EPHA7: variants seen among roughly 807,000 people sequenced by gnomAD.
EPHA7 encodes the protein ephrin type-A receptor 7.
EPHA7 carries 25 observed loss-of-function variants against 112.6 expected under a neutral mutation model. The ratio of observed to expected loss-of-function variants is 0.22; its 90% CI spans 0.16 to 0.31. The LOEUF (loss-of-function observed/expected upper bound fraction) is 0.31. Ranked by LOEUF, EPHA7 falls within the 10% of genes least tolerant of loss-of-function variation. EPHA7 has a pLI of 1.00. For synonymous variants in EPHA7, 437 were observed against 406.5 expected (o/e 1.07, Z -0.90); for missense variants, 962 against 1,212.6 (o/e 0.79, Z 3.07).
rs946028078 is a variant in EPHA7 at position 93,388,450 on chromosome 6, T to A, written c.832+22051A>T. On this transcript the variant is annotated intron_variant, in intron 3 of 16. Transcript: ENST00000369303. ...ATCGGTGCTTCCTGCTTTACAGAAGTTATCTAAATGACTTCATTTATATGT... is the reference window on the plus strand; with the variant it reads ...ATCGGTGCTTCCTGCTTTACAGAAGATATCTAAATGACTTCATTTATATGT... Among the ~76,000 whole-genome samples, 4 of 152,158 alleles carry A rather than the reference T, an allele frequency of 2.6e-5. No homozygotes were observed. In the East Asian group the frequency reaches 7.7e-4, roughly 29 times the overall value.
chr6:93,346,128 T>C (rs927323782), intron 5 of EPHA7, among the ~76,000 whole-genome samples: 3 of 151,668 alleles, frequency 2.0e-5, no homozygotes, highest in Non-Finnish European at 3.0e-5. Context: ...GGAATTGGGA[T>C]TGGGGGAAAA....
intron 3 of EPHA7, among the ~76,000 whole-genome samples, chr6:93,391,488 T>C (rs1182875267): frequency 2.0e-5 from 3 of 151,930 alleles, no homozygotes; most frequent in Non-Finnish European, 4.4e-5. Flanking sequence ...TGGACGTTGA[T>C]GCTTCCATAG....
At chr6:93,347,615 A>C (rs919162494) in intron 5 of EPHA7, among the ~76,000 whole-genome samples, 1 of 151,922 alleles carries the variant, frequency 6.6e-6, no homozygotes, top group Admixed American at 6.6e-5. Flanking sequence ...AAAATACCAC[A>C]GACTGAGGGG....
intron 3 of EPHA7, among the ~76,000 whole-genome samples, chr6:93,371,068 G>T (rs1776769669): frequency 6.6e-6 from 1 of 151,822 alleles, no homozygotes. Flanking sequence ...GGAGGCTGAG[G>T]CAGGAGAATG....
intron 5 of EPHA7, among the ~76,000 whole-genome samples, chr6:93,339,471 TG>T (rs1454485801): frequency 6.6e-6 from 1 of 151,834 alleles, no homozygotes; most frequent in Non-Finnish European, 1.5e-5. Flanking sequence ...CATAACTGAA[TG>T]AGGTTTTTAT....
At chr6:93,278,202 G>A (rs915002796) in intron 5 of EPHA7, among the ~76,000 whole-genome samples, 2 of 151,996 alleles carry the variant, frequency 1.3e-5, no homozygotes, top group Admixed American at 1.3e-4. Flanking sequence ...AGGGGCATCA[G>A]TTTGTGGAGA....
chr6:93,360,971 G>A (rs951502201), intron 3 of EPHA7, among the ~76,000 whole-genome samples: 1 of 151,990 alleles, frequency 6.6e-6, no homozygotes, highest in African/African-American at 2.4e-5. Context: ...ATTTTCAATG[G>A]ATCCTTATTA....
intron 3 of EPHA7, among the ~76,000 whole-genome samples, chr6:93,388,182 T>A (rs562284849): frequency 6.6e-6 from 1 of 152,284 alleles, no homozygotes; most frequent in East Asian, 1.9e-4. Context: ...TAGTCTAATA[T>A]CATTAACATT....
intron 5 of EPHA7, among the ~76,000 whole-genome samples, chr6:93,328,409 G>T (rs1450184742): frequency 6.6e-6 from 1 of 151,408 alleles, no homozygotes. Flanking sequence ...TATGAAACAT[G>T]TGAAATGCTG....
intron 14 of EPHA7, among the ~76,000 whole-genome samples, chr6:93,253,829 T>G (rs976915405): frequency 6.6e-6 from 1 of 152,058 alleles, no homozygotes; most frequent in African/African-American, 2.4e-5. Context: ...GGCTCTACAT[T>G]TATCTAATTT....
At chr6:93,341,182 A>C (rs1269000597) in intron 5 of EPHA7, among the ~76,000 whole-genome samples, 2 of 151,998 alleles carry the variant, frequency 1.3e-5, no homozygotes, top group African/African-American at 4.8e-5. Context: ...TTTCAAACAG[A>C]CAGCCAATCC....
intron 5 of EPHA7, among the ~76,000 whole-genome samples, chr6:93,330,979 T>C (rs557559275): frequency 1.3e-4 from 19 of 151,580 alleles, no homozygotes; most frequent in Non-Finnish European, 2.7e-4. Flanking sequence ...ACCCACAATA[T>C]TGAACATTTC....
chr6:93,327,358 A>T (rs1192632290), intron 5 of EPHA7, among the ~76,000 whole-genome samples: 1 of 151,508 alleles, frequency 6.6e-6, no homozygotes, highest in Non-Finnish European at 1.5e-5. Flanking sequence ...CCTGGCACTC[A>T]CACCTCAACC....
At position 93,243,524 on chromosome 6, in the gene EPHA7, C is replaced by T. The variant is rs560174275; in HGVS notation, c.2899G>A (p.Gly967Arg). The T allele has an allele frequency of 2.6e-5, 42 of 1,612,718 alleles. No homozygotes were observed. The highest frequency in any genetic ancestry group is 3.5e-5 in the Non-Finnish European group (41 of 1,178,916). ...RMTIEDVMSLGITLVGHQKKI... is the reference protein window; with the variant it reads ...RMTIEDVMSLRITLVGHQKKI... ...TTTTGATGACCAACCAGTGTGATCCCTAAACTCATCACATCCCTGAAAAAG... is the reference window on the plus strand; with the variant it reads ...TTTTGATGACCAACCAGTGTGATCCTTAAACTCATCACATCCCTGAAAAAG... The change falls in exon 17 of 17, where the codon GGG becomes AGG. Residue 967 changes from glycine to arginine, a missense_variant. Physicochemically the swap from Gly to Arg is moderately radical, Grantham distance 125. Transcript: ENST00000369303.
intron 5 of EPHA7, among the ~76,000 whole-genome samples, chr6:93,305,730 C>T (rs1235676321): frequency 6.6e-6 from 1 of 151,722 alleles, no homozygotes; most frequent in African/African-American, 2.4e-5. Flanking sequence ...ATTTCATTAC[C>T]TACGGGAATA....
chr6:93,366,395 T>C (rs1393248151), intron 3 of EPHA7, among the ~76,000 whole-genome samples: 5 of 152,232 alleles, frequency 3.3e-5, no homozygotes, highest in Non-Finnish European at 7.3e-5. Flanking sequence ...AGTTTTTATT[T>C]ATATTTCTAT....
chr6:93,362,709 C>G (rs146297594), intron 3 of EPHA7, among the ~76,000 whole-genome samples: 24 of 152,102 alleles, frequency 1.6e-4, no homozygotes, highest in Non-Finnish European at 3.4e-4. Flanking sequence ...GGTATAACAA[C>G]TGTAAATGAA....
rs117857135 is a variant in EPHA7, at chr6:93,405,396, C to T, written c.832+5105G>A. Among the ~76,000 whole-genome samples, 5 of 151,708 alleles carry T rather than the reference C, an allele frequency of 3.3e-5. No homozygotes were observed. In the East Asian group the frequency reaches 9.7e-4, roughly 29 times the overall value. ...TGTAAAATATTTTTTAATTGAAATG[C>T]CTTCTTAGATAAATTAACAGGTGTG... On this transcript the variant is annotated intron_variant, in intron 3 of 16. Transcript: ENST00000369303.
chr6:93,401,635 C>T lies in EPHA7; in HGVS notation c.832+8866G>A, dbSNP rs1033148106. Among the ~76,000 whole-genome samples, 6 of 152,038 alleles carry T rather than the reference C, an allele frequency of 3.9e-5. No individual in the cohort carries two copies. In the South Asian group the frequency reaches 6.2e-4, roughly 16 times the overall value. On this transcript the variant is annotated intron_variant, in intron 3 of 16. Transcript: ENST00000369303. Reference sequence around the variant, plus strand: ...ACTTATATGTGCATGTGACCTTCTACTTTTCACATATTAAACTTACATTAA... The same window carrying T: ...ACTTATATGTGCATGTGACCTTCTATTTTTCACATATTAAACTTACATTAA...
Sources: allele counts gnomAD v4.1 joint callset (sites outside exome capture counted in the v4.1 genomes callset), GRCh38; gene constraint gnomAD v4.1.1; transcripts MANE v1.5; gene names NCBI Gene and HGNC (gene_info 2026-07-23, HGNC 2026-07-21).